ANKRD27: variants seen among roughly 807,000 people sequenced by gnomAD.
ANKRD27 encodes the protein ankyrin repeat domain-containing protein 27.
ANKRD27 carries 112 observed loss-of-function variants against 129.7 expected under a neutral mutation model. The observed-to-expected ratio is 0.86, with a 90% CI of 0.74 to 1.01. The LOEUF (loss-of-function observed/expected upper bound fraction) is 1.01. ANKRD27 is among the 50% of genes least tolerant of loss of function. ANKRD27 has a pLI of 0.00. For synonymous variants in ANKRD27, 516 were observed against 511.2 expected (o/e 1.01, Z -0.13); for missense variants, 1,258 against 1,300.5 (o/e 0.97, Z 0.50).
intron 13 of ANKRD27, among the ~76,000 whole-genome samples, chr19:32,629,681 C>CA (rs1254380703): frequency 1.3e-5 from 2 of 151,948 alleles, no homozygotes; most frequent in African/African-American, 4.8e-5. Context: ...GCCTGGGTGA[C>CA]AGAGTGAGAC....
chr19:32,627,745 C>G (rs185882537), intron 15 of ANKRD27, among the ~76,000 whole-genome samples: 145 of 152,348 alleles, frequency 9.5e-4, no homozygotes, highest in Non-Finnish European at 1.8e-3. Context: ...AAAGGCAGGG[C>G]CACAAGAACT....
At chr19:32,606,999 TGCA>T (rs1268432701) in intron 23 of ANKRD27, among the ~76,000 whole-genome samples, 1 of 134,060 alleles carries the variant, frequency 7.5e-6, no homozygotes, top group African/African-American at 2.8e-5. Context: ...GGTGTGGTGG[TGCA>T]CGCCTGTGGT....
At position 32,666,639 on chromosome 19, in the gene ANKRD27, C is replaced by CTTTTTTTTTTTT. The variant is rs1421941665; in HGVS notation, c.-30-7595_-30-7594insAAAAAAAAAAAA. ...GGGCACAGAAAAGGAAATCAGATTT[C>CTTTTTTTTTTTT]TATTTTTTTTTTTTTTTTTTTTTGA... On this transcript the variant is annotated intron_variant, in intron 1 of 28. Transcript: ENST00000306065. 1.8e-5 allele frequency among the ~76,000 whole-genome samples: 2 copies of CTTTTTTTTTTTT among 112,020 alleles called. 1 individual carries two copies. The allele number at this position is 112,020 out of a possible 152,430, so 73.5% of individuals were successfully genotyped here.
chr19:32,656,789 CAA>C (rs34410291), intron 2 of ANKRD27, among the ~76,000 whole-genome samples: 18 of 137,106 alleles, frequency 1.3e-4, no homozygotes, highest in Admixed American at 1.5e-4. Context: ...GACCTTATCT[CAA>C]AAAAAAAAAA....
At chr19:32,674,176 G>T (rs1967931893) in intron 1 of ANKRD27, among the ~76,000 whole-genome samples, 1 of 151,876 alleles carries the variant, frequency 6.6e-6, no homozygotes, top group Non-Finnish European at 1.5e-5. Flanking sequence ...AAAACGAAAA[G>T]AAAGAAAAGA....
At chr19:32,641,767 C>CT (rs757141453) in intron 10 of ANKRD27, among the ~76,000 whole-genome samples, 100 of 21,214 alleles carry the variant, frequency 4.7e-3, no homozygotes, top group South Asian at 0.014. Flanking sequence ...TTTACTTCTT[C>CT]TTTTTTTTTT....
rs570393100 is a variant in ANKRD27 at position 32,606,074 on chromosome 19, G to C, written c.2374-120C>G. ...AATAAGAAAACAAAGTTTCTGGAGA[G>C]AAATGCTCAAGTTTGATATTCTTTT... On this transcript the variant is annotated intron_variant, in intron 23 of 28. Transcript: ENST00000306065. The C allele has an allele frequency of 1.3e-5, 12 of 895,140 alleles. No homozygotes were observed. The Admixed American group carries it at 1.8e-4, about 13-fold the overall frequency. 55.4% of individuals were successfully genotyped at this position (895,140 alleles called of 1,614,324 possible).
At position 32,623,696 on chromosome 19, in the gene ANKRD27, G is replaced by A. The variant is rs143903252; in HGVS notation, c.1630-1077C>T. Among the ~76,000 whole-genome samples the A allele has an allele frequency of 8.5e-5, 13 of 152,050 alleles. No individual in the cohort carries two copies. The East Asian group carries it at 1.6e-3, about 18-fold the overall frequency. ...CCTGAGTAGCTGGGATTATAGGTGTGTGCCACCACACACAGCTAATTTTTG... is the reference window on the plus strand; with the variant it reads ...CCTGAGTAGCTGGGATTATAGGTGTATGCCACCACACACAGCTAATTTTTG... On this transcript the variant is annotated intron_variant, in intron 17 of 28. Transcript: ENST00000306065.
chr19:32,642,761 G>C (rs1967225260), intron 9 of ANKRD27, among the ~76,000 whole-genome samples: 1 of 152,106 alleles, frequency 6.6e-6, no homozygotes, highest in South Asian at 2.1e-4. Flanking sequence ...TTAAAGAAAT[G>C]AATTAACTCC....
In ANKRD27 at chr19:32,599,994, C is replaced by G; in HGVS notation, c.2824G>C (p.Val942Leu). Residue 942 changes from valine to leucine, a missense_variant, in exon 27 of 29, where the codon GTC (valine) becomes CTC (leucine). Transcript: ENST00000306065. ...DEPFTRQFYF[V>L]HSAGQFKGKT... ...CACTTAAACTGACCAGCTGAGTGGA[C>G]AAAGTAAAACTGTCTTGTAAAAGGC... is the stretch of plus-strand genomic sequence containing the variant. The G allele has an allele frequency of 6.2e-7, 1 of 1,612,892 alleles. No individual in the cohort carries two copies. The highest frequency in any genetic ancestry group is 8.5e-7 in the Non-Finnish European group (1 of 1,179,170).
intron 22 of ANKRD27, among the ~76,000 whole-genome samples, chr19:32,609,011 G>C (rs1440858473): frequency 6.6e-6 from 1 of 152,068 alleles, no homozygotes; most frequent in Non-Finnish European, 1.5e-5. Flanking sequence ...GGGATTACAG[G>C]CGTGTGCCAC....
intron 11 of ANKRD27, among the ~76,000 whole-genome samples, chr19:32,639,746 G>A (rs1476391991): frequency 6.6e-6 from 1 of 152,160 alleles, no homozygotes; most frequent in Non-Finnish European, 1.5e-5. Flanking sequence ...GAGAGATTAT[G>A]GGTTTTGGGG....
At chr19:32,639,623 T>C (rs13345904) in intron 11 of ANKRD27, 135 bp from the exon 12 acceptor site, 74,995 of 852,832 alleles carry the variant, frequency 0.088, 5,846 homozygotes, top group African/African-American at 0.34. Flanking sequence ...CACCATCCCC[T>C]GGATCTCTCT....
At position 32,649,733 on chromosome 19, in the gene ANKRD27, C is replaced by T. The variant is rs1455795341; in HGVS notation, c.162G>A (p.Glu54=). Residue 54 remains glutamate (E), a synonymous_variant, in exon 3 of 29, where the codon GAG becomes GAA. Transcript: ENST00000306065. ...SSSIQSTCQF[E]SYILIPVEEH... ...CTTCCACAGGTATCAAAATGTAGGA[C>T]TCAAACTGACAAGTAGACTGGATGC... is the stretch of plus-strand genomic sequence containing the variant. 1.2e-6 allele frequency: 2 copies of T among 1,613,938 alleles called. No individual in the cohort carries two copies. Among genetic ancestry groups the T allele is most frequent in the Admixed American group, 1.7e-5 (1 of 59,978 alleles).
At chr19:32,661,218 T>TACACAC (rs1491210495) in intron 1 of ANKRD27, among the ~76,000 whole-genome samples, 3 of 80,100 alleles carry the variant, frequency 3.7e-5, no homozygotes, top group Admixed American at 1.3e-4. Context: ...AAAAAAAAAT[T>TACACAC]ATACACACAC....
chr19:32,626,034 T>C (rs1972085642), intron 16 of ANKRD27, 68 bp from the exon 17 acceptor site: 3 of 1,321,970 alleles, frequency 2.3e-6, no homozygotes, highest in South Asian at 1.4e-5. Context: ...CCTCCAGTCT[T>C]AGCAGGGGGA....
chr19:32,617,553 A>G, intron 21 of ANKRD27, 36 bp downstream of exon 21: 1 of 740,250 alleles, frequency 1.4e-6, no homozygotes. Flanking sequence ...TCTCTAAAAA[A>G]TAAAAATAAA....
intron 3 of ANKRD27, among the ~76,000 whole-genome samples, chr19:32,647,260 T>G (rs1181736159): frequency 2.0e-5 from 3 of 152,256 alleles, no homozygotes; most frequent in Admixed American, 2.0e-4. Context: ...AGGGTTTGTC[T>G]GATGTTTCCT....
chr19:32,609,325 T>C (rs185475241), intron 22 of ANKRD27, among the ~76,000 whole-genome samples: 112 of 150,050 alleles, frequency 7.5e-4, no homozygotes, highest in African/African-American at 2.8e-3. Context: ...CTGTAACTCC[T>C]AGGTGTTTAC....
Sources: allele counts gnomAD v4.1 joint callset (sites outside exome capture counted in the v4.1 genomes callset), GRCh38; gene constraint gnomAD v4.1.1; transcripts MANE v1.5; gene names NCBI Gene and HGNC (gene_info 2026-07-23, HGNC 2026-07-21).